The following CNGB1 variants were observed in gnomAD, a reference collection of about 807,000 sequenced individuals.
The protein encoded by CNGB1 is cyclic nucleotide-gated channel beta-1.
A neutral mutation model predicts 151.7 loss-of-function variants in CNGB1; 126 were observed. The ratio of observed to expected loss-of-function variants is 0.83; its 90% confidence interval spans 0.72 to 0.96. The LOEUF (loss-of-function observed/expected upper bound fraction) is 0.96, where lower values mean the gene tolerates loss of function less well. CNGB1 is among the 40% of genes least tolerant of loss of function. CNGB1 has a pLI of 0.00. For synonymous variants in CNGB1, 623 were observed against 635.1 expected (o/e 0.98, Z 0.29); for missense variants, 1,698 against 1,627.0 (o/e 1.04, Z -0.75).
intron 11 of CNGB1, 125 bp from the exon 12 acceptor site, chr16:57,957,502 G>A (rs533900745): frequency 2.5e-5 from 20 of 793,184 alleles, no homozygotes; most frequent in African/African-American, 2.3e-4. Flanking sequence ...CCCATGGGAT[G>A]GAGAAGAGAG....
chr16:57,912,109 A>C (rs1960733443), intron 24 of CNGB1, among the ~76,000 whole-genome samples: 1 of 145,104 alleles, frequency 6.9e-6, no homozygotes, highest in Non-Finnish European at 1.5e-5. Context: ...CCAGAGGGGA[A>C]ATGTGTGTGT....
At chr16:57,897,702 A>C in intron 30 of CNGB1, 94 bp downstream of exon 30, 1 of 1,523,488 alleles carries the variant, frequency 6.6e-7, no homozygotes, top group South Asian at 1.1e-5. Context: ...CCAGTGCTGC[A>C]TCTACCAAGC....
intron 15 of CNGB1, 133 bp from the exon 16 acceptor site, chr16:57,939,725 G>T: frequency 7.9e-7 from 1 of 1,268,942 alleles, no homozygotes; most frequent in Non-Finnish European, 1.1e-6. Flanking sequence ...AGCCAGTCAG[G>T]TCCTGCCAGC....
intron 17 of CNGB1, among the ~76,000 whole-genome samples, chr16:57,924,078 C>T (rs950047454): frequency 1.3e-5 from 2 of 152,112 alleles, no homozygotes; most frequent in African/African-American, 2.4e-5. Context: ...ATTTCAGAGA[C>T]AAGAAGGTTC....
rs778404021 is a variant in CNGB1, at chr16:57,950,370, A to G, written c.1034+11T>C. On this transcript the variant is annotated intron_variant, in intron 13 of 32. Coordinates refer to ENST00000251102, the MANE Select transcript of CNGB1 (RefSeq NM_001297.5). ...ATAACTAATCTTTTAGGGTCTTCTC[A>G]GACTCCCCACCTGGGCATCTTCTCC... 2 of 1,614,168 alleles carry G rather than the reference A, an allele frequency of 1.2e-6. No homozygotes were observed. The highest frequency in any genetic ancestry group is 1.7e-6 in the Non-Finnish European group (2 of 1,179,990).
intron 12 of CNGB1, chr16:57,955,145 G>C: frequency 6.8e-7 from 1 of 1,472,956 alleles, no homozygotes; most frequent in African/African-American, 1.4e-5. Flanking sequence ...TCTGGTCTGG[G>C]AGGCTCTGGG....
intron 25 of CNGB1, 62 bp from the exon 26 acceptor site, chr16:57,904,937 G>A: frequency 1.2e-6 from 2 of 1,605,576 alleles, no homozygotes; most frequent in Non-Finnish European, 1.7e-6. Context: ...GCCCCGAGCA[G>A]TCTGGCTCAG....
chr16:57,928,388 A>G (rs1961251101), intron 17 of CNGB1, among the ~76,000 whole-genome samples: 1 of 152,248 alleles, frequency 6.6e-6, no homozygotes. Flanking sequence ...ATTCCGGCAC[A>G]TGGAGCTGGA....
chr16:57,964,603 G>C, intron 2 of CNGB1, 59 bp from the exon 3 acceptor site: 3 of 1,573,934 alleles, frequency 1.9e-6, no homozygotes, highest in Non-Finnish European at 2.6e-6. Context: ...GTTTGGACAG[G>C]GGCAGCCTGA....
chr16:57,967,033 T>C, intron 2 of CNGB1, 95 bp downstream of exon 2: 1 of 1,573,928 alleles, frequency 6.4e-7, no homozygotes, highest in Non-Finnish European at 8.7e-7. Flanking sequence ...GCCAACCTTT[T>C]CTGCTGTAGA....
intron 11 of CNGB1, among the ~76,000 whole-genome samples, chr16:57,958,021 C>T (rs906782362): frequency 6.6e-6 from 1 of 152,212 alleles, no homozygotes; most frequent in African/African-American, 2.4e-5. Context: ...GAGCCCTAGG[C>T]TATCAGGAAT....
rs1230428593 is a variant in CNGB1, at chr16:57,905,087, T to C, written c.2493-212A>G. Among the ~76,000 whole-genome samples the C allele has an allele frequency of 3.3e-5, 5 of 152,250 alleles. No homozygotes were observed. The East Asian group carries it at 5.8e-4, about 18-fold the overall frequency. On this transcript the variant is annotated intron_variant, in intron 25 of 32. Coordinates refer to ENST00000251102, the MANE Select transcript of CNGB1 (RefSeq NM_001297.5). Reference sequence around the variant, plus strand: ...ACAAATGCTATCGGGTATGGTTGTGTCTCTAGGGACATGTTGCCATCCCCA... The same window carrying C: ...ACAAATGCTATCGGGTATGGTTGTGCCTCTAGGGACATGTTGCCATCCCCA...
intron 18 of CNGB1, among the ~76,000 whole-genome samples, chr16:57,922,721 G>A (rs1280068678): frequency 1.3e-5 from 2 of 152,060 alleles, no homozygotes; most frequent in African/African-American, 2.4e-5. Flanking sequence ...GAGCCACCAC[G>A]CCTGGCCGTC....
intron 32 of CNGB1, 108 bp from the exon 33 acceptor site, chr16:57,884,565 C>T (rs1402067479): frequency 7.3e-6 from 9 of 1,231,856 alleles, no homozygotes; most frequent in Admixed American, 1.9e-5. Context: ...AAGAGGGCAG[C>T]GGAACACACA....
chr16:57,941,878 G>A (rs190927588), intron 14 of CNGB1, among the ~76,000 whole-genome samples: 1 of 151,180 alleles, frequency 6.6e-6, no homozygotes, highest in African/African-American at 2.4e-5. Context: ...TTGAGACAGG[G>A]TCTTACTCTG....
intron 32 of CNGB1, among the ~76,000 whole-genome samples, chr16:57,884,906 G>A (rs559350726): frequency 2.0e-5 from 3 of 152,272 alleles, no homozygotes; most frequent in South Asian, 4.1e-4. Flanking sequence ...GGTAAAAAGT[G>A]ATGAAGGGAG....
intron 31 of CNGB1, among the ~76,000 whole-genome samples, chr16:57,894,024 T>A (rs1450611860): frequency 2.6e-5 from 4 of 152,056 alleles, no homozygotes; most frequent in Non-Finnish European, 5.9e-5. Context: ...ATCTTAAGGG[T>A]TTGAAAACAA....
intron 25 of CNGB1, among the ~76,000 whole-genome samples, chr16:57,911,201 CA>C: frequency 6.6e-6 from 1 of 152,310 alleles, no homozygotes; most frequent in South Asian, 2.1e-4. Flanking sequence ...AGGATCCAAG[CA>C]AGTCTTGTTC....
chr16:57,950,452 A>T lies in CNGB1; in HGVS notation c.963T>A (p.Ser321Arg). The T allele has an allele frequency of 6.2e-7, 1 of 1,614,194 alleles. No homozygotes were observed. Among genetic ancestry groups the T allele is most frequent in the Non-Finnish European group, 8.5e-7 (1 of 1,180,034 alleles). ...PPWEDAHQDV[S>R]TSPQGTEVVP... ...CCACCTCTGTACCCTGTGGGCTGGT[A>T]CTGACATCCTGGTGGGCATCCTCCC... Residue 321 changes from serine (S) to arginine (R), a missense_variant, in exon 13 of 33, where the codon AGT becomes AGA. Ser to Arg is a moderately radical substitution (Grantham distance 110). Coordinates refer to ENST00000251102, the MANE Select transcript of CNGB1 (RefSeq NM_001297.5).
Sources: gnomAD v4.1 joint callset for allele counts (sites outside exome capture counted in the v4.1 genomes callset) on GRCh38, gnomAD v4.1.1 for gene constraint, MANE v1.5 for transcripts, NCBI Gene and HGNC (gene_info 2026-07-23, HGNC 2026-07-21) for gene names.